Variants in CRADD observed in about 807,000 individuals in gnomAD.
CRADD encodes CARD and death domain containing adaptor protein, also known as death domain-containing protein CRADD.
In CRADD, 9 loss-of-function variants were observed where a neutral mutation model predicts 15.5. That is an observed-to-expected ratio of 0.58 (90% CI 0.35 to 1.01). CRADD has a LOEUF of 1.01. Ranked by LOEUF, CRADD falls within the 50% of genes least tolerant of loss-of-function variation. The pLI is 0.02. For synonymous variants in CRADD, 118 were observed against 107.6 expected (o/e 1.10, Z -0.60); for missense variants, 227 against 250.3 (o/e 0.91, Z 0.63).
chr12:93,705,633 C>T (rs936441962), intron 2 of CRADD, among the ~76,000 whole-genome samples: 5 of 152,172 alleles, frequency 3.3e-5, no homozygotes, highest in African/African-American at 1.2e-4. Flanking sequence ...ACTTGCTTTC[C>T]TTGTTAACCT....
intron 2 of CRADD, among the ~76,000 whole-genome samples, chr12:93,766,366 C>T (rs1432593657): frequency 6.6e-6 from 1 of 152,250 alleles, no homozygotes; most frequent in South Asian, 2.1e-4. Flanking sequence ...ATGTGCAGTC[C>T]TTTAGTGATG....
chr12:93,746,737 AATTCTGT>A (rs1305551561), intron 2 of CRADD, among the ~76,000 whole-genome samples: 1 of 152,186 alleles, frequency 6.6e-6, no homozygotes, highest in Non-Finnish European at 1.5e-5. Context: ...ACAGTTCTAC[AATTCTGT>A]ATTCAAAGCC....
At chr12:93,694,236 A>G (rs545112335) in intron 2 of CRADD, among the ~76,000 whole-genome samples, 1 of 151,986 alleles carries the variant, frequency 6.6e-6, no homozygotes, top group South Asian at 2.1e-4. Context: ...TCATCTCAAT[A>G]GTTGCAGAAA....
At chr12:93,855,571 C>T (rs1958266273), downstream of CRADD, among the ~76,000 whole-genome samples, 1 of 152,182 alleles carries the variant, frequency 6.6e-6, no homozygotes, top group African/African-American at 2.4e-5. Flanking sequence ...ATCCATTTGC[C>T]TGGCTTCTTG....
rs533733072 is a variant in CRADD, at chr12:93,825,067, C to G, written c.299-24903C>G. On this transcript the variant is annotated intron_variant, in intron 2 of 2. Transcript: ENST00000332896. ...CAAAACTATTTGATGAGGGCAGTTT[C>G]CCTCAGGCTGTAAAATGAATTAAGG... is the stretch of plus-strand genomic sequence containing the variant. Among the ~76,000 whole-genome samples the G allele has an allele frequency of 2.6e-5, 4 of 152,290 alleles. No homozygotes were observed. The South Asian group carries it at 6.2e-4, about 24-fold the overall frequency.
intron 2 of CRADD, among the ~76,000 whole-genome samples, chr12:93,771,754 T>TA (rs1957087810): frequency 6.6e-6 from 1 of 152,196 alleles, no homozygotes; most frequent in Admixed American, 6.5e-5. Context: ...GGGAAGAACA[T>TA]AGAAATTAGA....
At chr12:93,881,445 G>T (rs981585587) in intron 2 of CRADD, among the ~76,000 whole-genome samples, 5 of 140,662 alleles carry the variant, frequency 3.6e-5, no homozygotes, top group East Asian at 4.8e-4. Flanking sequence ...AGTGTGGGGG[G>T]GGGGTGGGGA....
intron 2 of CRADD, among the ~76,000 whole-genome samples, chr12:93,839,868 T>C (rs923187701): frequency 2.6e-5 from 4 of 152,204 alleles, no homozygotes; most frequent in African/African-American, 4.8e-5. Context: ...TCAGCTTGGA[T>C]CACGTCTCCT....
chr12:93,804,358 A>G (rs1009290263), intron 2 of CRADD, among the ~76,000 whole-genome samples: 3 of 152,162 alleles, frequency 2.0e-5, no homozygotes, highest in Admixed American at 1.3e-4. Flanking sequence ...AGTCAGTCAC[A>G]TGTATGATTT....
chr12:93,765,023 T>C (rs1157978398), intron 2 of CRADD, among the ~76,000 whole-genome samples: 2 of 151,892 alleles, frequency 1.3e-5, no homozygotes, highest in Non-Finnish European at 2.9e-5. Flanking sequence ...TTTTTTCTTA[T>C]TAGGAAAGTG....
intron 2 of CRADD, among the ~76,000 whole-genome samples, chr12:93,883,105 A>C (rs1050225272): frequency 1.3e-5 from 2 of 152,262 alleles, no homozygotes; most frequent in Non-Finnish European, 2.9e-5. Flanking sequence ...TTAATTAGGC[A>C]TATGGACAAA....
intron 2 of CRADD, among the ~76,000 whole-genome samples, chr12:93,761,706 ACT>A (rs1828020979): frequency 6.6e-6 from 1 of 152,044 alleles, no homozygotes; most frequent in African/African-American, 2.4e-5. Flanking sequence ...CCTAATATGG[ACT>A]CTCTGCCTTA....
chr12:93,737,033 G>C (rs910958026), intron 2 of CRADD, among the ~76,000 whole-genome samples: 1 of 152,214 alleles, frequency 6.6e-6, no homozygotes, highest in Non-Finnish European at 1.5e-5. Context: ...ACCACATAGA[G>C]AAATGTACAA....
At chr12:93,784,694 G>T (rs570200887) in intron 2 of CRADD, among the ~76,000 whole-genome samples, 1 of 152,072 alleles carries the variant, frequency 6.6e-6, no homozygotes, top group Admixed American at 6.6e-5. Context: ...ATCTCTGGCC[G>T]AGTTGATATT....
chr12:93,720,423 A>G (rs1387332940), intron 2 of CRADD, among the ~76,000 whole-genome samples: 7 of 152,190 alleles, frequency 4.6e-5, no homozygotes, highest in African/African-American at 1.7e-4. Context: ...GGAATAGTCT[A>G]TAGATGTCAT....
intron 2 of CRADD, among the ~76,000 whole-genome samples, chr12:93,786,961 A>G (rs1957284573): frequency 6.6e-6 from 1 of 152,156 alleles, no homozygotes; most frequent in Non-Finnish European, 1.5e-5. Flanking sequence ...GTTGCCTACA[A>G]GTATGTTTCG....
chr12:93,836,575 C>G (rs913919603), intron 2 of CRADD, among the ~76,000 whole-genome samples: 4 of 152,148 alleles, frequency 2.6e-5, no homozygotes, highest in Non-Finnish European at 2.9e-5. Context: ...ATGGAGTTTC[C>G]TCTCTTTTTA....
At chr12:93,777,891 C>T (rs944208476) in intron 2 of CRADD, among the ~76,000 whole-genome samples, 7 of 152,112 alleles carry the variant, frequency 4.6e-5, no homozygotes, top group African/African-American at 1.7e-4. Context: ...AAACCATGAC[C>T]TCCATACATT....
chr12:93,699,989 G>A (rs1284369513), intron 2 of CRADD, among the ~76,000 whole-genome samples: 1 of 152,192 alleles, frequency 6.6e-6, no homozygotes, highest in Non-Finnish European at 1.5e-5. Flanking sequence ...TCTCAGCGGG[G>A]AAGGGAATAA....
Sources: gnomAD v4.1 joint callset for allele counts (sites outside exome capture counted in the v4.1 genomes callset) on GRCh38, gnomAD v4.1.1 for gene constraint, MANE v1.5 for transcripts, NCBI Gene and HGNC (gene_info 2026-07-23, HGNC 2026-07-21) for gene names.